Variants in RUFY2 observed in about 807,000 individuals in gnomAD.
RUFY2 encodes the protein RUN and FYVE domain containing 2, also known as RUN and FYVE domain-containing protein 2.
Under a neutral mutation model 94.4 loss-of-function variants are expected in RUFY2, and 49 were observed. The ratio of observed to expected loss-of-function variants is 0.52; its 90% CI spans 0.41 to 0.66. The LOEUF is 0.66. Ranked by LOEUF, RUFY2 falls within the 30% of genes least tolerant of loss-of-function variation. The probability of loss-of-function intolerance (pLI) is 0.00; values close to 1 mark genes in which losing one functional copy is unlikely to be tolerated. For synonymous variants in RUFY2, 255 were observed against 235.7 expected (o/e 1.08, Z -0.75); for missense variants, 541 against 692.8 (o/e 0.78, Z 2.46).
chr10:68,383,614 T>C (rs10998103), intron 10 of RUFY2, among the ~76,000 whole-genome samples, 184 bp downstream of exon 10: 27,040 of 152,224 alleles, frequency 0.18, 2,609 homozygotes, highest in South Asian at 0.25. Flanking sequence ...AGTGAGAATC[T>C]GTCTCAAAAC....
intron 3 of RUFY2, among the ~76,000 whole-genome samples, chr10:68,399,774 C>T (rs966372887): frequency 1.3e-5 from 2 of 152,142 alleles, no homozygotes; most frequent in African/African-American, 2.4e-5. Flanking sequence ...CTGTGGCTCA[C>T]GCCTGTAATA....
At chr10:68,353,286 G>A (rs1392929944) in intron 16 of RUFY2, among the ~76,000 whole-genome samples, 13 of 149,842 alleles carry the variant, frequency 8.7e-5, no homozygotes, top group African/African-American at 1.5e-4. Context: ...AGCCGAGATC[G>A]CGCCACTGCA....
rs919551852 is a variant in RUFY2, at chr10:68,382,822, G to A, written c.939+976C>T. Among the ~76,000 whole-genome samples, 7 of 151,900 alleles carry A rather than the reference G, an allele frequency of 4.6e-5. No individual in the cohort carries two copies. In the East Asian group the frequency reaches 7.7e-4, roughly 17 times the overall value. ...TCTTCTTGACCTGGGTGGAGGTTAC[G>A]CAGGTTATTTGTGTTATAATTCATT... is the stretch of plus-strand genomic sequence containing the variant. On this transcript the variant is annotated intron_variant, in intron 10 of 17. Transcript: ENST00000602465.
chr10:68,374,090 C>T (rs936217208), intron 13 of RUFY2, among the ~76,000 whole-genome samples: 2 of 125,214 alleles, frequency 1.6e-5, no homozygotes, highest in East Asian at 2.4e-4. Context: ...GCACTCCAGG[C>T]TGGGCAAGAG....
At chr10:68,354,448 A>C (rs1321410003) in intron 16 of RUFY2, among the ~76,000 whole-genome samples, 4 of 151,994 alleles carry the variant, frequency 2.6e-5, no homozygotes, top group Non-Finnish European at 4.4e-5. Context: ...AGTGCTATGA[A>C]CCACCACACC....
chr10:68,392,473 C>T (rs2050070171), intron 7 of RUFY2, among the ~76,000 whole-genome samples: 1 of 152,182 alleles, frequency 6.6e-6, no homozygotes, highest in South Asian at 2.1e-4. Context: ...CAGAAGATGA[C>T]AGACAGCCAC....
At chr10:68,394,564 C>T (rs1266971455) in intron 4 of RUFY2, 113 bp from the exon 5 acceptor site, 1 of 641,080 alleles carries the variant, frequency 1.6e-6, no homozygotes, top group African/African-American at 1.8e-5. Flanking sequence ...GAAGCCATCT[C>T]AGTTAGGTGC....
At chr10:68,393,806 T>C (rs1170307554) in intron 6 of RUFY2, 1 of 455,282 alleles carries the variant, frequency 2.2e-6, no homozygotes. Flanking sequence ...TCATCTCTTT[T>C]ATTCCAAAAA....
chr10:68,355,846 G>GT (rs2132380147), intron 15 of RUFY2: 1 of 151,640 alleles, frequency 6.6e-6, no homozygotes, highest in Non-Finnish European at 1.5e-5. Context: ...CCCGGGAGGC[G>GT]GAGCTTGCAG....
In RUFY2 at chr10:68,343,679, A is replaced by G. The variant is rs751262008; in HGVS notation, c.*2089T>C. On this transcript the variant is annotated 3_prime_UTR_variant, in exon 18 of 18. Transcript: ENST00000602465. ...TATGTTAAGTCTGTTTTTGAAAAGT[A>G]AAATGAATACGAGTTCACAATCACG... is the stretch of plus-strand genomic sequence containing the variant. 1.3e-5 allele frequency: 2 copies of G among 152,554 alleles called. No individual in the cohort carries two copies. Among genetic ancestry groups the G allele is most frequent in the Non-Finnish European group, 2.9e-5 (2 of 68,010 alleles). 9.5% of individuals were successfully genotyped at this position (152,554 alleles called of 1,614,324 possible). A position where few individuals can be genotyped will look rare whatever the true frequency, so the allele number is the denominator to read the frequency against.
chr10:68,371,205 G>C (rs1190674410), intron 13 of RUFY2, among the ~76,000 whole-genome samples: 3 of 151,298 alleles, frequency 2.0e-5, no homozygotes, highest in Non-Finnish European at 4.4e-5. Context: ...GCCGTGTGAT[G>C]GGTCAGGAGT....
chr10:68,363,758 T>C (rs2132488574), intron 14 of RUFY2, 74 bp from the exon 15 acceptor site: 1 of 989,170 alleles, frequency 1.0e-6, no homozygotes, highest in Admixed American at 2.9e-5. Flanking sequence ...ACATATACCA[T>C]TAATTAGAAA....
intron 8 of RUFY2, among the ~76,000 whole-genome samples, chr10:68,385,400 C>G (rs913691362): frequency 1.3e-4 from 19 of 151,552 alleles, no homozygotes; most frequent in African/African-American, 4.6e-4. Context: ...TAAAAAAAAT[C>G]TAGAAAGCAA....
chr10:68,398,044 T>G (rs936029092), intron 3 of RUFY2, among the ~76,000 whole-genome samples: 3 of 143,928 alleles, frequency 2.1e-5, no homozygotes, highest in Non-Finnish European at 4.5e-5. Flanking sequence ...GGAGAATCAC[T>G]GGAACCCGGG....
intron 16 of RUFY2, among the ~76,000 whole-genome samples, chr10:68,348,640 G>T (rs982955934): frequency 6.6e-6 from 1 of 152,140 alleles, no homozygotes. Context: ...GAAGCAGCTT[G>T]TAAGGGCATC....
intron 11 of RUFY2, among the ~76,000 whole-genome samples, chr10:68,379,940 T>TG (rs34962371): frequency 6.6e-6 from 1 of 151,820 alleles, no homozygotes; most frequent in Non-Finnish European, 1.5e-5. Context: ...CCCAAGTAGC[T>TG]GGGAATACAG....
chr10:68,404,813 T>G lies in RUFY2; in HGVS notation c.36A>C (p.Ala12=), dbSNP rs747921099. Residue 12 remains alanine, a synonymous_variant, in exon 2 of 18, where the codon GCA becomes GCC. Coordinates refer to ENST00000602465, the MANE Select transcript of RUFY2 (RefSeq NM_001330103.2). ...ATKDPTAVER[A]NLLNMAKLSI... is the part of the protein sequence containing the mutation. ...TCAGTTTAGCCATGTTTAACAAGTT[T>G]GCTCTCTCTACAGCTGTGGGGTCTT... 6.2e-7 allele frequency: 1 copy of G among 1,610,730 alleles called. No individual in the cohort carries two copies. The highest frequency in any genetic ancestry group is 1.1e-5 in the South Asian group (1 of 90,378).
At chr10:68,403,827 T>C (rs1241126783) in intron 2 of RUFY2, among the ~76,000 whole-genome samples, 3 of 151,656 alleles carry the variant, frequency 2.0e-5, no homozygotes, top group Non-Finnish European at 2.9e-5. Flanking sequence ...GGTCTCTCTC[T>C]GTTGTCCAGG....
At chr10:68,352,964 A>C (rs1222494824) in intron 16 of RUFY2, among the ~76,000 whole-genome samples, 1 of 151,960 alleles carries the variant, frequency 6.6e-6, no homozygotes, top group Non-Finnish European at 1.5e-5. Flanking sequence ...GGAAGGATAA[A>C]GTAGTTCAAG....
Sources: allele counts gnomAD v4.1 joint callset (sites outside exome capture counted in the v4.1 genomes callset), GRCh38; gene constraint gnomAD v4.1.1; transcripts MANE v1.5; gene names NCBI Gene and HGNC (gene_info 2026-07-23, HGNC 2026-07-21).